SUMF1: variants seen among roughly 807,000 people sequenced by gnomAD.
SUMF1 encodes the protein formylglycine-generating enzyme.
Under a neutral mutation model 47.6 loss-of-function variants are expected in SUMF1, and 48 were observed. The observed-to-expected ratio is 1.01, with a 90% CI of 0.80 to 1.28. The LOEUF (loss-of-function observed/expected upper bound fraction) is 1.28. Among genes scored for constraint, SUMF1 ranks in the 50% most tolerant of loss-of-function variants. The pLI is 0.00. For synonymous variants in SUMF1, 230 were observed against 192.1 expected (o/e 1.20, Z -1.63); for missense variants, 571 against 485.4 (o/e 1.18, Z -1.66).
intron 8 of SUMF1, among the ~76,000 whole-genome samples, chr3:4,107,841 A>T (rs1230500114): frequency 6.6e-6 from 1 of 152,154 alleles, no homozygotes; most frequent in African/African-American, 2.4e-5. Context: ...ATACTTTTTT[A>T]AAAATAATGT....
intron 4 of SUMF1, 50 bp downstream of exon 4, chr3:4,420,014 C>CTAT: frequency 6.7e-7 from 1 of 1,485,458 alleles, no homozygotes; most frequent in Non-Finnish European, 9.4e-7. Flanking sequence ...GCAAAGGGTA[C>CTAT]CTATTTTGCA....
chr3:4,238,914 C>T (rs144963084), intron 8 of SUMF1, among the ~76,000 whole-genome samples: 3,259 of 152,164 alleles, frequency 0.021, 54 homozygotes, highest in Non-Finnish European at 0.027. Flanking sequence ...TTAGGTCTTA[C>T]ACTTAAGCCT....
intron 9 of SUMF1, among the ~76,000 whole-genome samples, chr3:4,068,000 A>G (rs1695417169): frequency 6.6e-6 from 1 of 152,210 alleles, no homozygotes; most frequent in Non-Finnish European, 1.5e-5. Flanking sequence ...CACAGCTGGA[A>G]GAGGAAGCTG....
chr3:4,276,278 C>G (rs1575045225), intron 8 of SUMF1, among the ~76,000 whole-genome samples: 1 of 152,252 alleles, frequency 6.6e-6, no homozygotes, highest in East Asian at 1.9e-4. Context: ...TAAGGCAGCA[C>G]ATTATGAATA....
At chr3:4,412,596 G>A (rs1297724425) in intron 6 of SUMF1, among the ~76,000 whole-genome samples, 5 of 152,150 alleles carry the variant, frequency 3.3e-5, no homozygotes, top group Non-Finnish European at 7.4e-5. Context: ...GTTAAAAGAT[G>A]AAACAGGCCA....
At chr3:4,262,832 A>C (rs1453924347) in intron 8 of SUMF1, among the ~76,000 whole-genome samples, 4 of 152,144 alleles carry the variant, frequency 2.6e-5, no homozygotes, top group African/African-American at 9.7e-5. Context: ...GTCCACCCCA[A>C]CCACATGGTC....
intron 6 of SUMF1, among the ~76,000 whole-genome samples, chr3:4,416,323 C>T (rs924242137): frequency 6.6e-6 from 1 of 151,846 alleles, no homozygotes; most frequent in Non-Finnish European, 1.5e-5. Flanking sequence ...ACAGAAATAA[C>T]CTGTTTCCAG....
Position 4,236,526 on chromosome 3 carries a change from G to A in SUMF1, c.1014+139804C>T, listed in dbSNP as rs181414277. ...CCCAGCTACTCAGGAGGCCGAAGCA[G>A]GAGGATCACTTGAACCCAGAAGTTC... On this transcript the variant is annotated intron_variant and NMD_transcript_variant, in intron 8 of 12. Transcript: ENST00000448413. Among the ~76,000 whole-genome samples the A allele has an allele frequency of 2.5e-3, 374 of 152,248 alleles. 3 individuals carry two copies. Among genetic ancestry groups the A allele is most frequent in the Non-Finnish European group, 7.4e-4 (50 of 68,014 alleles).
intron 8 of SUMF1, among the ~76,000 whole-genome samples, chr3:4,284,957 G>A (rs191302983): frequency 6.6e-5 from 10 of 152,184 alleles, no homozygotes; most frequent in African/African-American, 2.4e-4. Flanking sequence ...GATTTGCTAA[G>A]CTTTCACCCC....
chr3:4,114,996 G>C (rs1486554600), intron 8 of SUMF1, among the ~76,000 whole-genome samples: 2 of 151,944 alleles, frequency 1.3e-5, no homozygotes, highest in African/African-American at 4.8e-5. Flanking sequence ...AACTAGGTGA[G>C]GACAGGCACT....
intron 8 of SUMF1, among the ~76,000 whole-genome samples, chr3:4,178,362 C>T (rs1037015804): frequency 2.6e-5 from 4 of 152,188 alleles, no homozygotes; most frequent in African/African-American, 7.2e-5. Flanking sequence ...TTGGCTTCAT[C>T]CCTGGGATGC....
At chr3:4,408,378 T>C (rs11717159) in intron 7 of SUMF1, among the ~76,000 whole-genome samples, 38,551 of 152,174 alleles carry the variant, frequency 0.25, 5,490 homozygotes, top group Middle Eastern at 0.4. Flanking sequence ...TAACATTATG[T>C]AGTAGGTACA....
intron 8 of SUMF1, among the ~76,000 whole-genome samples, chr3:4,171,340 C>T (rs972312714): frequency 1.3e-5 from 2 of 152,026 alleles, no homozygotes; most frequent in Non-Finnish European, 2.9e-5. Flanking sequence ...AGTAGGTCTC[C>T]AGAACAGGCG....
At chr3:4,171,976 G>A (rs1261036704) in intron 8 of SUMF1, among the ~76,000 whole-genome samples, 4 of 152,120 alleles carry the variant, frequency 2.6e-5, no homozygotes, top group African/African-American at 9.7e-5. Flanking sequence ...AAGAAGTGAT[G>A]CTATCAAATG....
At chr3:4,100,672 G>T (rs1463682755) in intron 8 of SUMF1, among the ~76,000 whole-genome samples, 1 of 151,588 alleles carries the variant, frequency 6.6e-6, no homozygotes, top group East Asian at 1.9e-4. Flanking sequence ...AAACAAATTA[G>T]ATTACATCAA....
intron 8 of SUMF1, chr3:4,313,145 A>C: frequency 6.2e-7 from 1 of 1,614,060 alleles, no homozygotes; most frequent in Non-Finnish European, 8.5e-7. Flanking sequence ...GTGGTCCAGA[A>C]AGGTCTACAG....
chr3:4,036,849 C>CAAAAAAAAAAAAA (rs3048145), intron 9 of SUMF1, among the ~76,000 whole-genome samples: 1 of 75,144 alleles, frequency 1.3e-5, no homozygotes, highest in Non-Finnish European at 2.6e-5. Flanking sequence ...GTCAGTGAGG[C>CAAAAAAAAAAAAA]AAAAAAAAAA....
intron 8 of SUMF1, among the ~76,000 whole-genome samples, chr3:4,184,888 G>A (rs1695169178): frequency 6.6e-6 from 1 of 152,036 alleles, no homozygotes; most frequent in Admixed American, 6.6e-5. Flanking sequence ...AATCTCAGGT[G>A]ATCCACCTGC....
At chr3:4,245,304 A>G (rs543784743) in intron 8 of SUMF1, among the ~76,000 whole-genome samples, 2 of 151,580 alleles carry the variant, frequency 1.3e-5, no homozygotes, top group South Asian at 2.1e-4. Context: ...ATTCCTTTGG[A>G]GGAGAAGAGG....
Sources: gnomAD v4.1 joint callset for allele counts (sites outside exome capture counted in the v4.1 genomes callset) on GRCh38, gnomAD v4.1.1 for gene constraint, MANE v1.5 for transcripts, NCBI Gene and HGNC (gene_info 2026-07-23, HGNC 2026-07-21) for gene names.